Variants in PAK1IP1 observed in about 807,000 individuals in gnomAD.
PAK1IP1 encodes PAK1 interacting protein 1, also known as p21-activated protein kinase-interacting protein 1.
A neutral mutation model predicts 42.0 loss-of-function variants in PAK1IP1; 24 were observed. The ratio of observed to expected loss-of-function variants is 0.57; its 90% CI spans 0.41 to 0.80. The LOEUF (loss-of-function observed/expected upper bound fraction) is 0.80. Ranked by LOEUF, PAK1IP1 falls within the 30% of genes least tolerant of loss-of-function variation. The pLI, the probability that PAK1IP1 is intolerant of heterozygous loss-of-function variation, is 0.00. For missense variants in PAK1IP1, 411 were observed against 467.9 expected, an observed-to-expected ratio of 0.88 and a Z score of 1.12; for synonymous variants, 154 against 156.7, an observed-to-expected ratio of 0.98 and a Z score of 0.13.
chr6:10,696,182 AC>A (rs1480018798), intron 1 of PAK1IP1, among the ~76,000 whole-genome samples: 1 of 152,106 alleles, frequency 6.6e-6, no homozygotes, highest in South Asian at 2.1e-4. Flanking sequence ...GACATTTGAA[AC>A]TCTTAACCAT....
At chr6:10,701,239 G>A (rs1201822462) in intron 2 of PAK1IP1, among the ~76,000 whole-genome samples, 1 of 152,112 alleles carries the variant, frequency 6.6e-6, no homozygotes, top group African/African-American at 2.4e-5. Context: ...ACCACATCCA[G>A]CTAATTTTTG....
At chr6:10,691,246 A>C (rs1769270284), upstream of PAK1IP1, among the ~76,000 whole-genome samples, 1 of 152,220 alleles carries the variant, frequency 6.6e-6, no homozygotes, top group Non-Finnish European at 1.5e-5. Flanking sequence ...TCAGCCAGCG[A>C]GTTTAAGAAA....
At chr6:10,695,699 A>G (rs988676397) in intron 1 of PAK1IP1, among the ~76,000 whole-genome samples, 1 of 152,228 alleles carries the variant, frequency 6.6e-6, no homozygotes, top group Non-Finnish European at 1.5e-5. Flanking sequence ...AAATAGGTAG[A>G]TAGGACTATA....
chr6:10,705,306 G>C (rs1770168190), intron 7 of PAK1IP1, among the ~76,000 whole-genome samples: 1 of 152,062 alleles, frequency 6.6e-6, no homozygotes, highest in African/African-American at 2.4e-5. Context: ...GACAGAGTGA[G>C]ACTCTGTCTC....
At chr6:10,692,347 G>A (rs1380224614), upstream of PAK1IP1, among the ~76,000 whole-genome samples, 4 of 152,100 alleles carry the variant, frequency 2.6e-5, no homozygotes, top group East Asian at 1.9e-4. Flanking sequence ...TGGTTCTCTG[G>A]TGGAAACTTA....
upstream of PAK1IP1, chr6:10,694,591 AGCCC>A: frequency 2.8e-5 from 5 of 180,130 alleles, no homozygotes; most frequent in South Asian, 9.4e-5. Flanking sequence ...CCGGCGCTAC[AGCCC>A]CTAAGCAACC....
Position 10,694,997 on chromosome 6 carries a change from C to CGCTGGTT in PAK1IP1, c.16_22dup (p.Tyr8TrpfsTer30). ...ACGTGCGCTGCTGAATGGAGCTGGT[C>CGCTGGTT]GCTGGTTGCTACGAGCAGGTCCTCT... On this transcript the variant is annotated frameshift_variant, in exon 1 of 10. Transcript: ENST00000379568. LOFTEE classifies it high-confidence loss of function. 1 of 1,596,656 alleles carries CGCTGGTT rather than the reference C, an allele frequency of 6.3e-7. No homozygotes were observed. The highest frequency in any genetic ancestry group is 8.5e-7 in the Non-Finnish European group (1 of 1,178,596).
chr6:10,702,008 G>A (rs1245773618), intron 2 of PAK1IP1, among the ~76,000 whole-genome samples: 1 of 152,176 alleles, frequency 6.6e-6, no homozygotes, highest in Admixed American at 6.5e-5. Flanking sequence ...GCTGAGGTGG[G>A]CAGATCACTT....
At chr6:10,700,476 A>G (rs1405600598) in intron 2 of PAK1IP1, among the ~76,000 whole-genome samples, 1 of 152,208 alleles carries the variant, frequency 6.6e-6, no homozygotes, top group Admixed American at 6.5e-5. Flanking sequence ...CACATTGGCA[A>G]CTAAGTTTCA....
At chr6:10,696,781 A>C (rs904171965) in intron 1 of PAK1IP1, among the ~76,000 whole-genome samples, 2 of 152,214 alleles carry the variant, frequency 1.3e-5, no homozygotes, top group Non-Finnish European at 2.9e-5. Flanking sequence ...TGTCTCTACC[A>C]AAATTAGCTG....
At chr6:10,702,865 G>T (rs938351469) in intron 4 of PAK1IP1, among the ~76,000 whole-genome samples, 2 of 151,934 alleles carry the variant, frequency 1.3e-5, no homozygotes, top group South Asian at 4.2e-4. Context: ...GGAGTGCGGC[G>T]GCGTGATCTT....
chr6:10,693,040 C>T (rs1003312086), upstream of PAK1IP1, among the ~76,000 whole-genome samples: 4 of 152,212 alleles, frequency 2.6e-5, no homozygotes, highest in African/African-American at 4.8e-5. Context: ...TAAAGACTAA[C>T]TTACTTCAAG....
chr6:10,703,315 ATGTCAC>A, intron 4 of PAK1IP1, 84 bp from the exon 5 acceptor site: 2 of 894,132 alleles, frequency 2.2e-6, no homozygotes, highest in Non-Finnish European at 1.8e-6. Context: ...ATTTAGTAAA[ATGTCAC>A]TTAAGTCTTC....
At chr6:10,707,365 A>T (rs2127481835) in intron 7 of PAK1IP1, 50 bp from the exon 8 acceptor site, 2 of 1,010,428 alleles carry the variant, frequency 2.0e-6, no homozygotes, top group Non-Finnish European at 3.2e-6. Context: ...TAACAATATT[A>T]GACTATTTGG....
chr6:10,708,998 C>T lies in PAK1IP1; in HGVS notation c.886C>T (p.Leu296=), dbSNP rs766285401. Residue 296 remains leucine (L), a synonymous_variant, in exon 9 of 10, where the codon CTG becomes TTG. Coordinates refer to ENST00000379568, the MANE Select transcript of PAK1IP1 (RefSeq NM_017906.3). Reference sequence around the variant, plus strand: ...CTGTGAAATAAACACTAATGCCAGGCTGACGTGTCTTGGAGTGTGGCTAGA... The same window carrying T: ...CTGTGAAATAAACACTAATGCCAGGTTGACGTGTCTTGGAGTGTGGCTAGA... ...LLCEINTNAR[L]TCLGVWLDKV... 1.2e-6 allele frequency: 2 copies of T among 1,612,114 alleles called. No homozygotes were observed. Among genetic ancestry groups the T allele is most frequent in the East Asian group, 2.2e-5 (1 of 44,872 alleles).
chr6:10,694,546 C>CCCTA (rs1302939244), upstream of PAK1IP1: 4 of 159,092 alleles, frequency 2.5e-5, no homozygotes, highest in African/African-American at 9.6e-5. Flanking sequence ...AAAACTCCTA[C>CCCTA]CCTACTAGTA....
At chr6:10,697,568 A>G (rs1769896925) in intron 2 of PAK1IP1, 82 bp downstream of exon 2, 2 of 1,061,580 alleles carry the variant, frequency 1.9e-6, no homozygotes, top group African/African-American at 1.6e-5. Context: ...TGTTGTATCT[A>G]TTTTATAGCA....
chr6:10,691,924 A>C (rs961075790), upstream of PAK1IP1, among the ~76,000 whole-genome samples: 1 of 152,160 alleles, frequency 6.6e-6, no homozygotes, highest in African/African-American at 2.4e-5. Flanking sequence ...TATATTCTAA[A>C]ATTCCTGGTT....
chr6:10,694,598 AAGCAACC>A, upstream of PAK1IP1: 2 of 172,158 alleles, frequency 1.2e-5, no homozygotes, highest in East Asian at 1.7e-4. Flanking sequence ...TACAGCCCCT[AAGCAACC>A]GGCCGGAAGT....
Sources: gnomAD v4.1 joint callset for allele counts (sites outside exome capture counted in the v4.1 genomes callset) on GRCh38, gnomAD v4.1.1 for gene constraint, MANE v1.5 for transcripts, NCBI Gene and HGNC (gene_info 2026-07-23, HGNC 2026-07-21) for gene names.